The following MAGI2 variants were observed in gnomAD, a reference collection of about 807,000 sequenced individuals.
The protein encoded by MAGI2 is membrane-associated guanylate kinase, WW and PDZ domain-containing protein 2.
MAGI2 carries 35 observed loss-of-function variants against 133.3 expected under a neutral mutation model. The observed-to-expected ratio is 0.26, with a 90% confidence interval of 0.20 to 0.35. The LOEUF is 0.35. Ranked by LOEUF, MAGI2 falls within the 10% of genes least tolerant of loss-of-function variation. The pLI, the probability that MAGI2 is intolerant of heterozygous loss-of-function variation, is 1.00. For missense variants in MAGI2, 1,636 were observed against 1,863.4 expected (o/e 0.88, Z 2.25); for synonymous variants, 729 against 710.6 (o/e 1.03, Z -0.41).
chr7:79,170,137 C>CTTTTTTTTTTTTT lies in MAGI2; in HGVS notation c.302-162944_302-162932dup, dbSNP rs10539344. On this transcript the variant is annotated intron_variant, in intron 1 of 21. Coordinates refer to ENST00000354212, the MANE Select transcript of MAGI2 (RefSeq NM_012301.4). ...TCAATGGTTACTTTGAGATATTATACTTTTTTTTTTTTTTTTTTTTTTTTT... is the reference window on the plus strand; with the variant it reads ...TCAATGGTTACTTTGAGATATTATACTTTTTTTTTTTTTTTTTTTTTTTTTTTTTTTTTTTTTT... Among the ~76,000 whole-genome samples the CTTTTTTTTTTTTT allele has an allele frequency of 6.8e-4, 29 of 42,948 alleles. 6 individuals carry two copies. The highest frequency in any genetic ancestry group is 2.8e-3 in the East Asian group (3 of 1,078). 28.2% of individuals were successfully genotyped at this position (42,948 alleles called of 152,430 possible).
rs547934533 is a variant in MAGI2 at position 78,119,301 on chromosome 7, T to C, written c.3567+6393A>G. On this transcript the variant is annotated intron_variant, in intron 20 of 21. Transcript: ENST00000354212. ...CCGGCCGGGGGCAGTGGCTCACGCC[T>C]GTAAATCCCAGCACTTTGGGAGACT... Among the ~76,000 whole-genome samples the C allele has an allele frequency of 6.0e-4, 91 of 152,238 alleles. 1 individual carries two copies. Among genetic ancestry groups the C allele is most frequent in the African/African-American group, 2.0e-3 (85 of 41,562 alleles).
chr7:78,942,724 A>G (rs1050771672), intron 2 of MAGI2, among the ~76,000 whole-genome samples: 6 of 152,074 alleles, frequency 3.9e-5, no homozygotes, highest in African/African-American at 1.4e-4. Context: ...ATATATGTAA[A>G]CAGGAAAGTA....
At position 78,372,587 on chromosome 7, in the gene MAGI2, G is replaced by C. The variant is rs1432805730; in HGVS notation, c.1046-3374C>G. On this transcript the variant is annotated intron_variant, in intron 6 of 21. Coordinates refer to ENST00000354212, the MANE Select transcript of MAGI2 (RefSeq NM_012301.4). Reference sequence around the variant, plus strand: ...AAAAATAAACACTTGAGATCAGCAAGGTTAATGTTGCATTAAGAACTGTTT... The same window carrying C: ...AAAAATAAACACTTGAGATCAGCAACGTTAATGTTGCATTAAGAACTGTTT... Among the ~76,000 whole-genome samples the C allele has an allele frequency of 2.6e-5, 4 of 152,124 alleles. No individual in the cohort carries two copies. The East Asian group carries it at 7.7e-4, about 29-fold the overall frequency.
chr7:78,439,616 T>A (rs1787399219), intron 6 of MAGI2, among the ~76,000 whole-genome samples: 1 of 152,134 alleles, frequency 6.6e-6, no homozygotes, highest in African/African-American at 2.4e-5. Context: ...AATATTTACT[T>A]ATTGAGGTGA....
chr7:78,282,152 A>T (rs2151014972), intron 9 of MAGI2, among the ~76,000 whole-genome samples: 1 of 150,252 alleles, frequency 6.7e-6, no homozygotes, highest in African/African-American at 2.5e-5. Context: ...GTATTAAAAC[A>T]ACTTTGGATT....
chr7:79,343,612 T>C (rs185713150), intron 1 of MAGI2, among the ~76,000 whole-genome samples: 1 of 152,166 alleles, frequency 6.6e-6, no homozygotes, highest in East Asian at 1.9e-4. Flanking sequence ...GAAAGTAATA[T>C]ATATTCTGTT....
chr7:79,416,225 G>A (rs1343915693), intron 1 of MAGI2, among the ~76,000 whole-genome samples: 1 of 152,018 alleles, frequency 6.6e-6, no homozygotes. Context: ...GCATTCCCAG[G>A]TAAATAAAAC....
intron 2 of MAGI2, among the ~76,000 whole-genome samples, chr7:78,661,118 G>A (rs865983960): frequency 1.3e-5 from 2 of 152,006 alleles, no homozygotes; most frequent in South Asian, 4.1e-4. Flanking sequence ...CAATATTTCT[G>A]CATACCTTAT....
At chr7:78,978,759 C>A (rs926488298) in intron 2 of MAGI2, among the ~76,000 whole-genome samples, 2 of 151,668 alleles carry the variant, frequency 1.3e-5, no homozygotes, top group African/African-American at 4.8e-5. Context: ...GGCGTGGGGT[C>A]GGGGAGCAAT....
At chr7:78,128,186 A>C (rs1416523852) in intron 18 of MAGI2, among the ~76,000 whole-genome samples, 1 of 152,244 alleles carries the variant, frequency 6.6e-6, no homozygotes, top group Admixed American at 6.5e-5. Flanking sequence ...TACTAATGAA[A>C]TAAACACAGA....
intron 10 of MAGI2, among the ~76,000 whole-genome samples, chr7:78,226,449 T>C (rs1164297057): frequency 2.6e-5 from 4 of 152,232 alleles, no homozygotes; most frequent in Admixed American, 1.3e-4. Context: ...TAGCTGAGCC[T>C]TGAGACCAAT....
intron 1 of MAGI2, among the ~76,000 whole-genome samples, chr7:79,366,947 A>G (rs1400676630): frequency 6.6e-6 from 1 of 152,212 alleles, no homozygotes; most frequent in Non-Finnish European, 1.5e-5. Context: ...ACTGCATTTT[A>G]TATGCTTCTT....
intron 1 of MAGI2, among the ~76,000 whole-genome samples, chr7:79,371,803 A>G (rs758818640): frequency 3.3e-5 from 5 of 152,144 alleles, no homozygotes; most frequent in Non-Finnish European, 7.4e-5. Flanking sequence ...AGCTTTCATA[A>G]TAGTCACCTA....
intron 2 of MAGI2, among the ~76,000 whole-genome samples, chr7:78,641,081 C>T (rs1810249805): frequency 6.6e-6 from 1 of 152,126 alleles, no homozygotes; most frequent in Non-Finnish European, 1.5e-5. Context: ...TTGCTGCCAC[C>T]ATGTGAAGAA....
At chr7:79,022,408 C>T (rs1809424179) in intron 1 of MAGI2, among the ~76,000 whole-genome samples, 2 of 151,902 alleles carry the variant, frequency 1.3e-5, no homozygotes, top group Non-Finnish European at 2.9e-5. Flanking sequence ...GTGCTAAACA[C>T]CCATATAAAA....
intron 2 of MAGI2, among the ~76,000 whole-genome samples, chr7:78,883,011 T>C (rs1318696669): frequency 6.6e-6 from 1 of 152,014 alleles, no homozygotes; most frequent in Non-Finnish European, 1.5e-5. Context: ...GCCAGAACAA[T>C]CAGGCAAGAC....
chr7:78,838,509 AGTGTGTGTGTGT>A (rs34844201), intron 2 of MAGI2, among the ~76,000 whole-genome samples: 2 of 147,852 alleles, frequency 1.4e-5, no homozygotes, highest in Admixed American at 1.4e-4. Context: ...TATGTGTGTG[AGTGTGTGTGTGT>A]GTGTGTGTGT....
At chr7:79,357,617 A>C (rs1842106114) in intron 1 of MAGI2, among the ~76,000 whole-genome samples, 1 of 152,192 alleles carries the variant, frequency 6.6e-6, no homozygotes, top group Non-Finnish European at 1.5e-5. Context: ...AAGCTGGAAA[A>C]GATCTATGAC....
intron 6 of MAGI2, among the ~76,000 whole-genome samples, chr7:78,447,881 G>A (rs1186818309): frequency 1.3e-5 from 2 of 152,088 alleles, no homozygotes; most frequent in Non-Finnish European, 2.9e-5. Flanking sequence ...CCTCCGAACT[G>A]CAACTTTGTA....
Sources: gnomAD v4.1 joint callset for allele counts (sites outside exome capture counted in the v4.1 genomes callset) on GRCh38, gnomAD v4.1.1 for gene constraint, MANE v1.5 for transcripts, NCBI Gene and HGNC (gene_info 2026-07-23, HGNC 2026-07-21) for gene names.